HNRNPA0: variants seen among roughly 807,000 people sequenced by gnomAD.
HNRNPA0 encodes the protein heterogeneous nuclear ribonucleoprotein A0.
For synonymous variants in HNRNPA0, 243 were observed against 195.5 expected, an observed-to-expected ratio of 1.24 and a Z score of -2.03; for missense variants, 252 against 433.7, an observed-to-expected ratio of 0.58 and a Z score of 3.72.
chr5:137,745,799 C>T lies in HNRNPA0; in HGVS notation c.*7350G>A, dbSNP rs994107670. The T allele has an allele frequency of 1.3e-5, 2 of 152,194 alleles. No individual in the cohort carries two copies. The highest frequency in any genetic ancestry group is 4.8e-5 in the African/African-American group (2 of 41,444). 9.4% of individuals were successfully genotyped at this position (152,194 alleles called of 1,614,324 possible). On this transcript the variant is annotated 3_prime_UTR_variant, in exon 1 of 1. Coordinates refer to ENST00000314940, the MANE Select transcript of HNRNPA0 (RefSeq NM_006805.4). Reference sequence around the variant, plus strand: ...CTCCCATGAAGATTCACACAGAGCACATTTTTATACGAGGGATGTTTCTGC... The same window carrying T: ...CTCCCATGAAGATTCACACAGAGCATATTTTTATACGAGGGATGTTTCTGC...
chr5:137,746,659 A>G lies in HNRNPA0; in HGVS notation c.*6490T>C, dbSNP rs549321803. 3.9e-5 allele frequency: 6 copies of G among 152,332 alleles called. No homozygotes were observed. The East Asian group carries it at 1.2e-3, about 29-fold the overall frequency. 9.4% of individuals were successfully genotyped at this position (152,332 alleles called of 1,614,324 possible). ...ACAAACATCCCTTGCAACAATCGCCATTCCTCACCCTAATTTTTTCTATAC... is the reference window on the plus strand; with the variant it reads ...ACAAACATCCCTTGCAACAATCGCCGTTCCTCACCCTAATTTTTTCTATAC... On this transcript the variant is annotated 3_prime_UTR_variant, in exon 1 of 1. Transcript: ENST00000314940.
At position 137,746,657 on chromosome 5, in the gene HNRNPA0, C is replaced by T. The variant is rs1453730684; in HGVS notation, c.*6492G>A. ...TCACAAACATCCCTTGCAACAATCG[C>T]CATTCCTCACCCTAATTTTTTCTAT... On this transcript the variant is annotated 3_prime_UTR_variant, in exon 1 of 1. Transcript: ENST00000314940. 3 of 152,230 alleles carry T rather than the reference C, an allele frequency of 2.0e-5. No homozygotes were observed. The allele number at this position is 152,230 out of a possible 1,614,324, so 9.4% of individuals were successfully genotyped here.
chr5:137,753,847 C>G lies in HNRNPA0; in HGVS notation c.220G>C (p.Gly74Arg). Reference protein sequence around the residue: ...AMAASPHAVDGNTVELKRAVS... With the variant: ...AMAASPHAVDRNTVELKRAVS... ...GCCCGCTTCAGCTCCACAGTGTTGC[C>G]GTCCACGGCATGGGGCGAGGCGGCC... is the stretch of plus-strand genomic sequence containing the variant. Residue 74 changes from glycine (G) to arginine (R), a missense_variant, in exon 1 of 1, where the codon GGC becomes CGC. Physicochemically the swap from Gly to Arg is moderately radical, Grantham distance 125 (BLOSUM62 -2). Coordinates refer to ENST00000314940, the MANE Select transcript of HNRNPA0 (RefSeq NM_006805.4). This position sits in a 1 kb window ranked among gnomAD's most constrained non-coding sequence, Gnocchi z 6.1. 1 of 1,612,772 alleles carries G rather than the reference C, an allele frequency of 6.2e-7. No homozygotes were observed. The highest frequency in any genetic ancestry group is 8.5e-7 in the Non-Finnish European group (1 of 1,180,010).
rs922416254 is a variant in HNRNPA0, at chr5:137,752,975, G to A, written c.*174C>T. On this transcript the variant is annotated 3_prime_UTR_variant, in exon 1 of 1. Coordinates refer to ENST00000314940, the MANE Select transcript of HNRNPA0 (RefSeq NM_006805.4). ...ATCTTCAGAGGGAGAGACAAGAGAG[G>A]TGGCAGGCAAATAGAGGAACACCCC... 6.5e-5 allele frequency: 39 copies of A among 598,610 alleles called. No individual in the cohort carries two copies. In the African/African-American group the frequency reaches 7.2e-4, roughly 11 times the overall value. 37.1% of individuals were successfully genotyped at this position (598,610 alleles called of 1,614,324 possible).
rs1311987813 is a variant in HNRNPA0 at position 137,752,487 on chromosome 5, A to G, written c.*662T>C. The stretch of plus-strand genomic sequence containing the variant: ...ACTAGCAGGGCAACAGGAGAGGGGA[A>G]AAAAACCACAGGACCTCTTAAGTTT... On this transcript the variant is annotated 3_prime_UTR_variant, in exon 1 of 1. Coordinates refer to ENST00000314940, the MANE Select transcript of HNRNPA0 (RefSeq NM_006805.4). 2 of 152,342 alleles carry G rather than the reference A, an allele frequency of 1.3e-5. No individual in the cohort carries two copies. Among genetic ancestry groups the G allele is most frequent in the Non-Finnish European group, 2.9e-5 (2 of 68,044 alleles). 9.4% of individuals were successfully genotyped at this position (152,342 alleles called of 1,614,324 possible).
rs1430051040 is a variant in HNRNPA0 at position 137,746,392 on chromosome 5, G to GC, written c.*6756dup. ...AACCTACAAATCCCTACATGATCTGGCCCCTCTGGCCTCATTATTCCTTTC... is the reference window on the plus strand; with the variant it reads ...AACCTACAAATCCCTACATGATCTGGCCCCCTCTGGCCTCATTATTCCTTTC... On this transcript the variant is annotated 3_prime_UTR_variant, in exon 1 of 1. Transcript: ENST00000314940. The GC allele has an allele frequency of 6.6e-6, 1 of 152,040 alleles. No homozygotes were observed. The highest frequency in any genetic ancestry group is 1.5e-5 in the Non-Finnish European group (1 of 68,004). The allele number at this position is 152,040 out of a possible 1,614,324, so 9.4% of individuals were successfully genotyped here.
rs1753427103 is a variant in HNRNPA0 at position 137,747,445 on chromosome 5, T to C, written c.*5704A>G. 6.6e-6 allele frequency: 1 copy of C among 152,186 alleles called. No individual in the cohort carries two copies. Among genetic ancestry groups the C allele is most frequent in the Non-Finnish European group, 1.5e-5 (1 of 68,038 alleles). 9.4% of individuals were successfully genotyped at this position (152,186 alleles called of 1,614,324 possible). A position where few individuals can be genotyped will look rare whatever the true frequency, so the allele number is the denominator to read the frequency against. On this transcript the variant is annotated 3_prime_UTR_variant, in exon 1 of 1. Transcript: ENST00000314940. ...ACCAGCATCTTCAACTATGTCCAAA[T>C]CTTCCCTCTAAATCTTCTCTTCCTA... is the stretch of plus-strand genomic sequence containing the variant.
rs974836754 is a variant in HNRNPA0, at chr5:137,748,072, G to T, written c.*5077C>A. Reference sequence around the variant, plus strand: ...TGTGAAGGTTACTGAATGATGCAATGAGAACATTTGTAAATGTACCTAGTG... The same window carrying T: ...TGTGAAGGTTACTGAATGATGCAATTAGAACATTTGTAAATGTACCTAGTG... On this transcript the variant is annotated 3_prime_UTR_variant, in exon 1 of 1. Coordinates refer to ENST00000314940, the MANE Select transcript of HNRNPA0 (RefSeq NM_006805.4). 3.3e-5 allele frequency: 5 copies of T among 152,156 alleles called. No individual in the cohort carries two copies. Among genetic ancestry groups the T allele is most frequent in the African/African-American group, 1.2e-4 (5 of 41,440 alleles). The allele number at this position is 152,156 out of a possible 1,614,324, so 9.4% of individuals were successfully genotyped here.
Position 137,753,793 on chromosome 5 carries a change from C to T in HNRNPA0, c.274G>A (p.Gly92Ser). ...AVSREDSARP[G>S]AHAKVKKLFV... ...AGCTTCTTAACCTTGGCGTGGGCAC[C>T]GGGCCGCGCCGAATCCTCCCGGGAC... The change falls in exon 1 of 1, where the codon GGT becomes AGT. Residue 92 changes from glycine (G) to serine (S), a missense_variant. Gly to Ser is a moderately conservative substitution (Grantham distance 56, BLOSUM62 0). Coordinates refer to ENST00000314940, the MANE Select transcript of HNRNPA0 (RefSeq NM_006805.4). The surrounding 1 kb of genome is among the most constrained non-coding windows in gnomAD (Gnocchi z 6.1). 1 of 1,610,420 alleles carries T rather than the reference C, an allele frequency of 6.2e-7. No homozygotes were observed. The highest frequency in any genetic ancestry group is 1.3e-5 in the African/African-American group (1 of 75,060).
Position 137,748,451 on chromosome 5 carries a change from C to T in HNRNPA0, c.*4698G>A, listed in dbSNP as rs1753443673. 6.6e-6 allele frequency: 1 copy of T among 152,160 alleles called. No homozygotes were observed. Among genetic ancestry groups the T allele is most frequent in the African/African-American group, 2.4e-5 (1 of 41,436 alleles). 9.4% of individuals were successfully genotyped at this position (152,160 alleles called of 1,614,324 possible). A position where few individuals can be genotyped will look rare whatever the true frequency, so the allele number is the denominator to read the frequency against. ...CAAAGCCTAAAGACCATGCATATCT[C>T]GGGTACTAAGATATAAAAGTATGCC... On this transcript the variant is annotated 3_prime_UTR_variant, in exon 1 of 1. Transcript: ENST00000314940.
In HNRNPA0 at chr5:137,745,929, T is replaced by G. The variant is rs1034465319; in HGVS notation, c.*7220A>C. ...TACTCCCAGAAGGAAAGCAGGTGTT[T>G]AGCATAAATCATCTTGTTTGAACAG... On this transcript the variant is annotated 3_prime_UTR_variant, in exon 1 of 1. Transcript: ENST00000314940. 6.6e-6 allele frequency: 1 copy of G among 152,230 alleles called. No individual in the cohort carries two copies. The highest frequency in any genetic ancestry group is 2.4e-5 in the African/African-American group (1 of 41,454). The allele number at this position is 152,230 out of a possible 1,614,324, so 9.4% of individuals were successfully genotyped here. A position where few individuals can be genotyped will look rare whatever the true frequency, so the allele number is the denominator to read the frequency against.
chr5:137,748,970 CA>C lies in HNRNPA0; in HGVS notation c.*4178del, dbSNP rs955891190. On this transcript the variant is annotated 3_prime_UTR_variant, in exon 1 of 1. Transcript: ENST00000314940. ...CTGTAAAGGAAAAGATGCATCATCT[CA>C]AAATAAATTGAATTCCCATTTCAAA... 6.6e-6 allele frequency: 1 copy of C among 152,114 alleles called. No individual in the cohort carries two copies. Among genetic ancestry groups the C allele is most frequent in the Non-Finnish European group, 1.5e-5 (1 of 68,004 alleles). 9.4% of individuals were successfully genotyped at this position (152,114 alleles called of 1,614,324 possible). A position where few individuals can be genotyped will look rare whatever the true frequency, so the allele number is the denominator to read the frequency against.
chr5:137,753,302 G>A lies in HNRNPA0; in HGVS notation c.765C>T (p.Phe255=), dbSNP rs755139435. ...AGGACTGATGCTGGCTGTAGCTGCC[G>A]AAGCCGCCGAAGCCGTTACCGTAGT... The part of the protein sequence containing the change: ...GSDYGNGFGG[F]GSYSQHQSSY... The change falls in exon 1 of 1, where the codon TTC becomes TTT. Residue 255 remains phenylalanine (F), a synonymous_variant. Transcript: ENST00000314940. This position sits in a 1 kb window ranked among gnomAD's most constrained non-coding sequence, Gnocchi z 6.1. The A allele has an allele frequency of 3.3e-5, 52 of 1,564,082 alleles. No individual in the cohort carries two copies. In the South Asian group the frequency reaches 5.0e-4, roughly 15 times the overall value.
rs1753430943 is a variant in HNRNPA0, at chr5:137,747,734, A to G, written c.*5415T>C. The G allele has an allele frequency of 6.6e-6, 1 of 152,184 alleles. No homozygotes were observed. The highest frequency in any genetic ancestry group is 2.4e-5 in the African/African-American group (1 of 41,436). 9.4% of individuals were successfully genotyped at this position (152,184 alleles called of 1,614,324 possible). On this transcript the variant is annotated 3_prime_UTR_variant, in exon 1 of 1. Transcript: ENST00000314940. ...GCTACTGGACTAATCTTTGTGAATT[A>G]GTTTCACTACCATTATTGTTGCTCA...
rs542573786 is a variant in HNRNPA0, at chr5:137,749,887, A to G, written c.*3262T>C. The G allele has an allele frequency of 2.6e-5, 4 of 152,336 alleles. No homozygotes were observed. In the East Asian group the frequency reaches 7.7e-4, roughly 29 times the overall value. The allele number at this position is 152,336 out of a possible 1,614,324, so 9.4% of individuals were successfully genotyped here. A position where few individuals can be genotyped will look rare whatever the true frequency, so the allele number is the denominator to read the frequency against. On this transcript the variant is annotated 3_prime_UTR_variant, in exon 1 of 1. Transcript: ENST00000314940. ...CTTCTGGTTTTGAAGGAAATCATAA[A>G]TGCAAATTTCTCAAGTATCCTCAAT...
At position 137,752,165 on chromosome 5, in the gene HNRNPA0, G is replaced by A. The variant is rs1403866670; in HGVS notation, c.*984C>T. 1.3e-5 allele frequency: 2 copies of A among 150,820 alleles called. No homozygotes were observed. Among genetic ancestry groups the A allele is most frequent in the South Asian group, 2.1e-4 (1 of 4,806 alleles). 9.3% of individuals were successfully genotyped at this position (150,820 alleles called of 1,614,324 possible). ...GCTCTGAAAGTACAAAAACGCATTT[G>A]AGGGTAAAATATAACCCTTATTTTT... On this transcript the variant is annotated 3_prime_UTR_variant, in exon 1 of 1. Transcript: ENST00000314940.
chr5:137,753,381 C>A lies in HNRNPA0; in HGVS notation c.686G>T (p.Gly229Val). Reference protein sequence around the residue: ...SYGGYGGGGGGGYNAYGGGGG... With the variant: ...SYGGYGGGGGVGYNAYGGGGG... ...GCCGCCTCCGTAGGCATTGTAGCCG[C>A]CGCCTCCGCCGCCGCCGTAACCACC... Residue 229 changes from glycine to valine, a missense_variant, in exon 1 of 1, where the codon GGC (glycine) becomes GTC (valine). Transcript: ENST00000314940. The surrounding 1 kb of genome is among the most constrained non-coding windows in gnomAD (Gnocchi z 6.1). The A allele has an allele frequency of 6.5e-7, 1 of 1,547,210 alleles. No homozygotes were observed. The highest frequency in any genetic ancestry group is 8.7e-7 in the Non-Finnish European group (1 of 1,145,968).
At position 137,748,353 on chromosome 5, in the gene HNRNPA0, T is replaced by C. The variant is rs1753442315; in HGVS notation, c.*4796A>G. The stretch of plus-strand genomic sequence containing the variant: ...TTACAGATGGCTAGCAGAATTCATC[T>C]CTCTCCTACTAGAGTTGAAGCAGCA... On this transcript the variant is annotated 3_prime_UTR_variant, in exon 1 of 1. Transcript: ENST00000314940. 6.6e-6 allele frequency: 1 copy of C among 152,104 alleles called. No individual in the cohort carries two copies. The highest frequency in any genetic ancestry group is 2.4e-5 in the African/African-American group (1 of 41,404). 9.4% of individuals were successfully genotyped at this position (152,104 alleles called of 1,614,324 possible).
Position 137,752,065 on chromosome 5 carries a change from C to T in HNRNPA0, c.*1084G>A, listed in dbSNP as rs1452846262. ...GCCATTCTGCCAGTAGATGGTGCTA[C>T]AAAGATCGGGAAAGGGATTTCCATG... On this transcript the variant is annotated 3_prime_UTR_variant, in exon 1 of 1. Transcript: ENST00000314940. 1 of 127,822 alleles carries T rather than the reference C, an allele frequency of 7.8e-6. No individual in the cohort carries two copies. The highest frequency in any genetic ancestry group is 1.6e-5 in the Non-Finnish European group (1 of 60,996). The allele number at this position is 127,822 out of a possible 1,614,324, so 7.9% of individuals were successfully genotyped here. A position where few individuals can be genotyped will look rare whatever the true frequency, so the allele number is the denominator to read the frequency against.
Sources: gnomAD v4.1 joint callset for allele counts on GRCh38, gnomAD v4.1.1 for gene constraint, Gnocchi (gnomAD v3.1) non-coding constraint, MANE v1.5 for transcripts, NCBI Gene and HGNC (gene_info 2026-07-23, HGNC 2026-07-21) for gene names.